The following CHD4 variants were observed in gnomAD, a reference collection of about 807,000 sequenced individuals.
CHD4 encodes ATP-dependent chromatin remodeler CHD4.
A neutral mutation model predicts 235.5 loss-of-function variants in CHD4; 35 were observed. That is an observed-to-expected ratio of 0.15 (90% CI 0.11 to 0.20). The LOEUF is 0.20. Ranked by LOEUF, CHD4 falls within the 10% of genes least tolerant of loss-of-function variation. CHD4 has a pLI of 1.00. For synonymous variants in CHD4, 900 were observed against 850.2 expected (o/e 1.06, Z -1.02); for missense variants, 1,329 against 2,432.3 (o/e 0.55, Z 9.54).
At chr12:6,587,614 A>G in intron 24 of CHD4, 55 bp from the exon 25 acceptor site, 1 of 1,608,286 alleles carries the variant, frequency 6.2e-7, no homozygotes, top group Non-Finnish European at 8.5e-7. Flanking sequence ...GCTGCAGTGG[A>G]AAAAGCAAGT....
intron 38 of CHD4, among the ~76,000 whole-genome samples, chr12:6,572,107 C>T (rs1337276317): frequency 1.3e-5 from 2 of 150,112 alleles, no homozygotes; most frequent in African/African-American, 2.5e-5. Context: ...GCCTGGGCAA[C>T]AAGAGCAAAA....
At chr12:6,599,736 T>G in intron 10 of CHD4, 37 bp downstream of exon 10, 4 of 1,613,298 alleles carry the variant, frequency 2.5e-6, no homozygotes, top group Non-Finnish European at 3.4e-6. Context: ...AGACTACACT[T>G]TCCCATTTTT....
intron 9 of CHD4, 43 bp downstream of exon 9, chr12:6,600,174 T>C (rs372721338): frequency 2.4e-5 from 38 of 1,606,554 alleles, no homozygotes; most frequent in Non-Finnish European, 3.1e-5. Flanking sequence ...GTCCCACCCT[T>C]CTTCTCATGG....
intron 37 of CHD4, among the ~76,000 whole-genome samples, chr12:6,574,537 AAC>A (rs1327891667): frequency 2.6e-5 from 4 of 152,236 alleles, no homozygotes; most frequent in Non-Finnish European, 5.9e-5. Context: ...CATATGACTC[AAC>A]ATAAGAGAAG....
intron 15 of CHD4, 147 bp downstream of exon 15, chr12:6,594,312 A>T: frequency 1.5e-6 from 1 of 645,332 alleles, no homozygotes; most frequent in Non-Finnish European, 2.7e-6. Flanking sequence ...TACTAAACAC[A>T]TGTGTACATG....
rs772857309 is a variant in CHD4 at position 6,593,644 on chromosome 12, C to G, written c.2314-28G>C. On this transcript the variant is annotated intron_variant, in intron 15 of 39. Coordinates refer to ENST00000544040, the MANE Select transcript of CHD4 (RefSeq NM_001273.5). The surrounding 1 kb of genome is among the most constrained non-coding windows in gnomAD (Gnocchi z 4.9). The stretch of plus-strand genomic sequence containing the variant: ...TTGAGAAAAAAGAGGAGAGTCAGGA[C>G]TGAGGGCCCCAGCACACTGCAACCC... 2 of 1,607,666 alleles carry G rather than the reference C, an allele frequency of 1.2e-6. No homozygotes were observed. Among genetic ancestry groups the G allele is most frequent in the African/African-American group, 2.7e-5 (2 of 74,486 alleles).
intron 38 of CHD4, 31 bp from the exon 39 acceptor site, chr12:6,571,063 G>A (rs968820569): frequency 3.7e-6 from 6 of 1,609,426 alleles, no homozygotes; most frequent in African/African-American, 1.3e-5. Flanking sequence ...GTGGTGAGCT[G>A]TGGTGGCCCA....
intron 22 of CHD4, 100 bp from the exon 23 acceptor site, chr12:6,588,522 A>G: frequency 8.9e-6 from 12 of 1,347,954 alleles, no homozygotes; most frequent in Non-Finnish European, 1.2e-5. Context: ...TCATGCCTGT[A>G]ATCTCAGCAC....
intron 22 of CHD4, among the ~76,000 whole-genome samples, chr12:6,590,865 C>T (rs1176018085): frequency 6.6e-6 from 1 of 152,096 alleles, no homozygotes; most frequent in Non-Finnish European, 1.5e-5. Flanking sequence ...TGGCTCGTGC[C>T]TGTAATCCCA....
At chr12:6,595,748 A>T (rs1948479735) in intron 13 of CHD4, among the ~76,000 whole-genome samples, 1 of 148,574 alleles carries the variant, frequency 6.7e-6, no homozygotes, top group Non-Finnish European at 1.5e-5. Context: ...AGATCGCACC[A>T]TTGCACTCCA....
chr12:6,605,314 G>A (rs995044950), intron 2 of CHD4, among the ~76,000 whole-genome samples: 3 of 152,070 alleles, frequency 2.0e-5, no homozygotes, highest in African/African-American at 7.2e-5. Flanking sequence ...AAAACATGAA[G>A]GTCAAGGAGA....
intron 22 of CHD4, among the ~76,000 whole-genome samples, chr12:6,589,310 A>G (rs182212911): frequency 9.2e-5 from 14 of 152,366 alleles, no homozygotes; most frequent in African/African-American, 3.4e-4. Flanking sequence ...GGACACTGAC[A>G]TAGTCTCAAA....
chr12:6,594,909 A>G (rs1391173839), intron 14 of CHD4, among the ~76,000 whole-genome samples: 1 of 152,190 alleles, frequency 6.6e-6, no homozygotes, highest in African/African-American at 2.4e-5. Flanking sequence ...TACCAATACA[A>G]TAATTCTACT....
chr12:6,591,083 G>C (rs976801077), intron 22 of CHD4, among the ~76,000 whole-genome samples: 1 of 132,940 alleles, frequency 7.5e-6, no homozygotes, highest in Non-Finnish European at 1.5e-5. Context: ...AGATCGTGCC[G>C]CTGCACTCCA....
At chr12:6,575,449 CAAA>C (rs201602922) in intron 37 of CHD4, among the ~76,000 whole-genome samples, 12 of 58,502 alleles carry the variant, frequency 2.1e-4, no homozygotes, top group Admixed American at 3.8e-4. Flanking sequence ...GACTTTGTCT[CAAA>C]AAAAAAAAAA....
intron 37 of CHD4, among the ~76,000 whole-genome samples, chr12:6,575,039 C>T (rs1388340686): frequency 2.0e-5 from 3 of 151,788 alleles, no homozygotes; most frequent in Non-Finnish European, 2.9e-5. Flanking sequence ...CGCTGAAACA[C>T]ATCCTAACTT....
rs1195796904 is a variant in CHD4 at position 6,600,259 on chromosome 12, G to A, written c.1200C>T (p.Asp400=). Residue 400 remains aspartate, a synonymous_variant, in exon 9 of 40, where the codon GAC becomes GAT. Transcript: ENST00000544040. The stretch of plus-strand genomic sequence containing the variant: ...ACTTGCCCTCGGGAGCCTTCTCCAT[G>A]TCGGGATCCAGGCAGACCATGTGGT... The part of the protein sequence containing the change: ...RAYHMVCLDP[D]MEKAPEGKWS... The A allele has an allele frequency of 2.5e-6, 4 of 1,614,166 alleles. No homozygotes were observed. The highest frequency in any genetic ancestry group is 3.4e-6 in the Non-Finnish European group (4 of 1,180,026).
At chr12:6,590,105 G>C (rs1241600459) in intron 22 of CHD4, 1 of 152,138 alleles carries the variant, frequency 6.6e-6, no homozygotes, top group African/African-American at 2.4e-5. Flanking sequence ...GGCTGAGACA[G>C]GAGTATTGCT....
intron 2 of CHD4, among the ~76,000 whole-genome samples, chr12:6,605,956 G>A (rs939175585): frequency 3.9e-5 from 6 of 152,104 alleles, no homozygotes; most frequent in African/African-American, 1.4e-4. Flanking sequence ...GCCTCCAGGG[G>A]TCCCAGCTAC....
Sources: allele counts gnomAD v4.1 joint callset (sites outside exome capture counted in the v4.1 genomes callset), GRCh38; gene constraint gnomAD v4.1.1; non-coding constraint Gnocchi (gnomAD v3.1); transcripts MANE v1.5; gene names NCBI Gene and HGNC (gene_info 2026-07-23, HGNC 2026-07-21).